RFT1: variants seen among roughly 807,000 people sequenced by gnomAD.
RFT1 encodes the protein RFT1 glycolipid translocator homolog, also known as man(5)GlcNAc(2)-PP-dolichol translocation protein RFT1.
A neutral mutation model predicts 62.2 loss-of-function variants in RFT1; 43 were observed. The ratio of observed to expected loss-of-function variants is 0.69; its 90% confidence interval spans 0.54 to 0.89. The LOEUF (loss-of-function observed/expected upper bound fraction) is 0.89, where lower values mean the gene tolerates loss of function less well. Ranked by LOEUF, RFT1 falls within the 40% of genes least tolerant of loss-of-function variation. The pLI, the probability that RFT1 is intolerant of heterozygous loss-of-function variation, is 0.00. For synonymous variants in RFT1, 262 were observed against 264.6 expected (o/e 0.99, Z 0.10); for missense variants, 605 against 649.9 (o/e 0.93, Z 0.75).
chr3:53,096,437 T>G (rs1276666563), intron 11 of RFT1, among the ~76,000 whole-genome samples: 1 of 151,556 alleles, frequency 6.6e-6, no homozygotes, highest in Admixed American at 6.6e-5. Context: ...ATCCCAGCAC[T>G]TTGGGAGGCT....
intron 9 of RFT1, among the ~76,000 whole-genome samples, chr3:53,104,386 C>T (rs899529631): frequency 7.3e-4 from 104 of 142,878 alleles, no homozygotes; most frequent in African/African-American, 2.5e-3. Flanking sequence ...GATATTTGTT[C>T]TTTTTTTTTT....
At chr3:53,128,964 A>AAG (rs1702186311) in intron 1 of RFT1, among the ~76,000 whole-genome samples, 1 of 152,268 alleles carries the variant, frequency 6.6e-6, no homozygotes, top group Non-Finnish European at 1.5e-5. Context: ...CCTTACAGGT[A>AAG]AGCCACCTGA....
chr3:53,105,131 T>C (rs1701426933), intron 9 of RFT1, among the ~76,000 whole-genome samples: 1 of 152,160 alleles, frequency 6.6e-6, no homozygotes, highest in South Asian at 2.1e-4. Flanking sequence ...TAAGGTCACA[T>C]GGCCAGGTAT....
chr3:53,085,006 T>A (rs913844742), downstream of RFT1, among the ~76,000 whole-genome samples: 4 of 149,902 alleles, frequency 2.7e-5, no homozygotes, highest in African/African-American at 9.8e-5. Context: ...TGATCTACAG[T>A]GGCTGTCTTA....
Position 53,105,413 on chromosome 3 carries a change from CCG to C in RFT1, c.957+258_957+259del, listed in dbSNP as rs1423725074. Among the ~76,000 whole-genome samples, 30 of 6,656 alleles carry C rather than the reference CCG, an allele frequency of 4.5e-3. 1 individual carries two copies. Among genetic ancestry groups the C allele is most frequent in the African/African-American group, 6.1e-3 (26 of 4,238 alleles). 4.4% of individuals were successfully genotyped at this position (6,656 alleles called of 152,430 possible). On this transcript the variant is annotated intron_variant, in intron 9 of 12. Transcript: ENST00000296292. ...TGGGCGTCAGAGCAAGACTCTATCC[CCG>C]CCCCCCCCCCCAAAAAGAGTAAGGT...
At chr3:53,102,170 C>A (rs1701336034) in intron 10 of RFT1, among the ~76,000 whole-genome samples, 1 of 152,152 alleles carries the variant, frequency 6.6e-6, no homozygotes, top group African/African-American at 2.4e-5. Flanking sequence ...AGTACTGCAG[C>A]TGCAAGTCAA....
intron 5 of RFT1, among the ~76,000 whole-genome samples, chr3:53,120,513 C>T (rs777621029): frequency 1.6e-4 from 25 of 152,298 alleles, no homozygotes; most frequent in African/African-American, 5.5e-4. Context: ...CTCTCCTCTT[C>T]GCCAGGGCAA....
chr3:53,112,515 G>A (rs1229864426), intron 6 of RFT1, among the ~76,000 whole-genome samples: 1 of 152,210 alleles, frequency 6.6e-6, no homozygotes, highest in African/African-American at 2.4e-5. Context: ...GCTGAGGTGG[G>A]TGGATCACTT....
intron 11 of RFT1, among the ~76,000 whole-genome samples, chr3:53,095,180 T>C (rs1419748774): frequency 6.6e-6 from 1 of 151,966 alleles, no homozygotes; most frequent in Non-Finnish European, 1.5e-5. Context: ...GCAGAATTGC[T>C]TGAACCCGGG....
intron 10 of RFT1, among the ~76,000 whole-genome samples, chr3:53,101,557 G>A (rs1253312232): frequency 2.0e-5 from 3 of 152,162 alleles, no homozygotes; most frequent in Non-Finnish European, 2.9e-5. Context: ...ACCAACCTTC[G>A]ATTGTAGACT....
At chr3:53,076,503 A>C in the RFT1 span, among the ~76,000 whole-genome samples, 8 of 152,208 alleles carry the variant, frequency 5.3e-5, no homozygotes, top group South Asian at 2.1e-4. Flanking sequence ...AGGAAATAGA[A>C]TACTACTTGG....
At chr3:53,082,433 C>A in the RFT1 span, among the ~76,000 whole-genome samples, 1 of 152,038 alleles carries the variant, frequency 6.6e-6, no homozygotes, top group Non-Finnish European at 1.5e-5. Context: ...TGAGATCGTG[C>A]CACTGCACTC....
intron 10 of RFT1, 117 bp downstream of exon 10, chr3:53,103,832 CCAGA>C: frequency 2.4e-6 from 3 of 1,257,476 alleles, no homozygotes; most frequent in Admixed American, 1.9e-5. Context: ...GCCCCTGCCA[CCAGA>C]CAGTTTTCCC....
Position 53,110,528 on chromosome 3 carries a change from G to A in RFT1, c.775+1302C>T, listed in dbSNP as rs557023164. ...AAAGTTATAAGGTTAGGCTGGAAACGTGTGTACTCTCAAAGATCAGAGAGC... is the reference window on the plus strand; with the variant it reads ...AAAGTTATAAGGTTAGGCTGGAAACATGTGTACTCTCAAAGATCAGAGAGC... On this transcript the variant is annotated intron_variant, in intron 7 of 12. Coordinates refer to ENST00000296292, the MANE Select transcript of RFT1 (RefSeq NM_052859.4). Among the ~76,000 whole-genome samples the A allele has an allele frequency of 4.6e-5, 7 of 152,250 alleles. No homozygotes were observed. In the South Asian group the frequency reaches 1.0e-3, roughly 23 times the overall value.
the RFT1 span, among the ~76,000 whole-genome samples, chr3:53,081,284 C>T: frequency 1.0e-3 from 159 of 152,326 alleles, no homozygotes; most frequent in African/African-American, 3.6e-3. Context: ...ATAATGCCCT[C>T]GCCCTCCCTC....
At position 53,116,329 on chromosome 3, in the gene RFT1, T is replaced by C. The variant is rs180684681; in HGVS notation, c.696+3555A>G. Among the ~76,000 whole-genome samples the C allele has an allele frequency of 4.6e-3, 690 of 151,178 alleles. 7 individuals are homozygous for C. The highest frequency in any genetic ancestry group is 0.016 in the African/African-American group (664 of 41,124). On this transcript the variant is annotated intron_variant, in intron 6 of 12. Coordinates refer to ENST00000296292, the MANE Select transcript of RFT1 (RefSeq NM_052859.4). ...TTTTTTTTGAGACAGGGTTTCACTCTGTCGCCCAGGCTAAAGTGCAGTAGC... is the reference window on the plus strand; with the variant it reads ...TTTTTTTTGAGACAGGGTTTCACTCCGTCGCCCAGGCTAAAGTGCAGTAGC...
chr3:53,110,010 T>A (rs1046067036), intron 7 of RFT1, among the ~76,000 whole-genome samples: 1 of 152,152 alleles, frequency 6.6e-6, no homozygotes, highest in Non-Finnish European at 1.5e-5. Flanking sequence ...GATCCAACCA[T>A]GGAGCAGGCT....
chr3:53,100,792 A>T (rs1238383664), intron 10 of RFT1, among the ~76,000 whole-genome samples: 4 of 152,192 alleles, frequency 2.6e-5, no homozygotes, highest in African/African-American at 9.7e-5. Flanking sequence ...GTAGTTGACT[A>T]GAAAGGGTCC....
chr3:53,098,694 T>C (rs1559582773), intron 11 of RFT1, among the ~76,000 whole-genome samples: 3 of 143,576 alleles, frequency 2.1e-5, no homozygotes, highest in South Asian at 2.2e-4. Context: ...CCCAGCTACC[T>C]GGGAGGCTGA....
Sources: gnomAD v4.1 joint callset for allele counts (sites outside exome capture counted in the v4.1 genomes callset) on GRCh38, gnomAD v4.1.1 for gene constraint, MANE v1.5 for transcripts, NCBI Gene and HGNC (gene_info 2026-07-23, HGNC 2026-07-21) for gene names.